EXD3: variants seen among roughly 807,000 people sequenced by gnomAD.
EXD3 encodes the protein exonuclease 3'-5' domain containing 3, also known as exonuclease mut-7 homolog.
Under a neutral mutation model 98.0 loss-of-function variants are expected in EXD3, and 92 were observed. The ratio of observed to expected loss-of-function variants is 0.94; its 90% CI spans 0.79 to 1.12. The LOEUF (loss-of-function observed/expected upper bound fraction) is 1.12, where lower values mean the gene tolerates loss of function less well. EXD3 is among the 50% of genes most tolerant of loss of function. EXD3 has a pLI of 0.00. For missense variants in EXD3, 1,222 were observed against 1,191.6 expected (o/e 1.03, Z -0.38); for synonymous variants, 569 against 526.0 (o/e 1.08, Z -1.12).
chr9:137,381,402 CA>C (rs1836261161), intron 3 of EXD3, among the ~76,000 whole-genome samples: 1 of 112,926 alleles, frequency 8.9e-6, no homozygotes. Context: ...GGTGACAGAA[CA>C]AGACTCCTTC....
At chr9:137,391,172 G>C (rs531115810) in intron 2 of EXD3, among the ~76,000 whole-genome samples, 116 of 152,372 alleles carry the variant, frequency 7.6e-4, no homozygotes, top group African/African-American at 2.6e-3. Flanking sequence ...GCCCACCAGT[G>C]AGGCCTGAGA....
At chr9:137,350,059 A>G (rs1452271612) in intron 14 of EXD3, among the ~76,000 whole-genome samples, 5 of 116,228 alleles carry the variant, frequency 4.3e-5, no homozygotes, top group African/African-American at 1.7e-4. Context: ...AAGGTTCTAG[A>G]TAGAGAGGGG....
intron 7 of EXD3, among the ~76,000 whole-genome samples, chr9:137,356,937 C>T (rs549016788): frequency 8.5e-5 from 13 of 152,288 alleles, no homozygotes; most frequent in Admixed American, 2.6e-4. Context: ...GAAGCACAGC[C>T]GCTGGGTGTT....
chr9:137,386,407 C>G (rs1488540262), intron 2 of EXD3, among the ~76,000 whole-genome samples: 1 of 152,098 alleles, frequency 6.6e-6, no homozygotes, highest in East Asian at 1.9e-4. Context: ...ACTCCCCAGT[C>G]AGTGTTGCTG....
rs969129787 is a variant in EXD3, at chr9:137,356,376, G to C, written c.657-8C>G. On this transcript the variant is annotated splice_polypyrimidine_tract_variant and splice_region_variant and intron_variant, in intron 7 of 21. Coordinates refer to ENST00000340951, the MANE Select transcript of EXD3 (RefSeq NM_017820.5). ...GTCACCTCAGGGTACCGTCTGTGGG[G>C]AGAGAGAGGCACAGCCTCTGTTGCT... 2 of 1,550,656 alleles carry C rather than the reference G, an allele frequency of 1.3e-6. No homozygotes were observed. The highest frequency in any genetic ancestry group is 1.4e-5 in the African/African-American group (1 of 73,510).
chr9:137,413,400 C>T (rs1020795381), intron 1 of EXD3, among the ~76,000 whole-genome samples: 1 of 151,832 alleles, frequency 6.6e-6, no homozygotes, highest in African/African-American at 2.4e-5. Flanking sequence ...CGGGGTTTCA[C>T]CGTGTTAGCC....
chr9:137,367,183 C>T (rs375717597), intron 6 of EXD3, among the ~76,000 whole-genome samples: 45 of 152,296 alleles, frequency 3.0e-4, no homozygotes, highest in African/African-American at 1.0e-3. Context: ...GGTGAGGCTG[C>T]CTGGCGCCGA....
intron 3 of EXD3, among the ~76,000 whole-genome samples, chr9:137,383,079 G>A (rs1836400100): frequency 6.6e-6 from 1 of 152,200 alleles, no homozygotes. Flanking sequence ...GACCTCAGAG[G>A]GGCTGCTGGG....
chr9:137,411,103 C>T (rs573330016), intron 1 of EXD3, among the ~76,000 whole-genome samples: 28 of 152,220 alleles, frequency 1.8e-4, no homozygotes, highest in Non-Finnish European at 3.5e-4. Context: ...CCTGGACCAC[C>T]GCAGAACCTG....
chr9:137,356,736 C>T (rs181959592), intron 7 of EXD3, among the ~76,000 whole-genome samples: 89 of 152,344 alleles, frequency 5.8e-4, no homozygotes, highest in Middle Eastern at 6.8e-3. Flanking sequence ...ACGGCCTCAA[C>T]GGCCCAGCCT....
intron 19 of EXD3, among the ~76,000 whole-genome samples, chr9:137,317,909 C>T (rs1831779596): frequency 6.6e-6 from 1 of 152,170 alleles, no homozygotes; most frequent in Non-Finnish European, 1.5e-5. Flanking sequence ...CCTTCTGTAC[C>T]CTCTGTGCCT....
chr9:137,421,107 T>C lies in EXD3; in HGVS notation c.-48+2007A>G, dbSNP rs548010456. On this transcript the variant is annotated intron_variant, in intron 1 of 21. Coordinates refer to ENST00000340951, the MANE Select transcript of EXD3 (RefSeq NM_017820.5). Reference sequence around the variant, plus strand: ...CTGGGATTACAGGCATGAGCCACCATGCCCAGCCCTCAAGTGGCTTTTAAA... The same window carrying C: ...CTGGGATTACAGGCATGAGCCACCACGCCCAGCCCTCAAGTGGCTTTTAAA... 7.2e-5 allele frequency among the ~76,000 whole-genome samples: 11 copies of C among 152,304 alleles called. No homozygotes were observed. The East Asian group carries it at 2.1e-3, about 29-fold the overall frequency.
Position 137,393,163 on chromosome 9 carries a change from A to T in EXD3, c.55+2140T>A, listed in dbSNP as rs1488076823. The T allele has an allele frequency of 5.7e-6, 4 of 702,056 alleles. No homozygotes were observed. Among genetic ancestry groups the T allele is most frequent in the Non-Finnish European group, 1.0e-5 (4 of 384,804 alleles). 43.5% of individuals were successfully genotyped at this position (702,056 alleles called of 1,614,324 possible). On this transcript the variant is annotated intron_variant, in intron 2 of 21. Coordinates refer to ENST00000340951, the MANE Select transcript of EXD3 (RefSeq NM_017820.5). The surrounding 1 kb of genome is among the most constrained non-coding windows in gnomAD (Gnocchi z 4.6). The stretch of plus-strand genomic sequence containing the variant: ...CCGAGGCTGTTCCAGGGGCCCTGCT[A>T]GCTGGGGTGTTGCACTTTGAAAACA...
Position 137,366,522 on chromosome 9 carries a change from C to G in EXD3, c.627G>C (p.Gln209His). 3 of 1,551,058 alleles carry G rather than the reference C, an allele frequency of 1.9e-6. No homozygotes were observed. The highest frequency in any genetic ancestry group is 2.6e-6 in the Non-Finnish European group (3 of 1,147,332). The change falls in exon 7 of 22, where the codon CAG (glutamine) becomes CAC (histidine). Residue 209 changes from glutamine (Q) to histidine (H), a missense_variant. Coordinates refer to ENST00000340951, the MANE Select transcript of EXD3 (RefSeq NM_017820.5). ...CAACGTCCTTGATGTCAAAGCCGGG[C>G]TGGCACCAGGAATCCATGAGGACCA... ...RLLVLMDSWC[Q>H]PGFDIKDVAR...
chr9:137,414,962 A>T (rs1461144901), intron 1 of EXD3, among the ~76,000 whole-genome samples: 2 of 152,086 alleles, frequency 1.3e-5, no homozygotes, highest in Admixed American at 1.3e-4. Flanking sequence ...ATCTCGGCTC[A>T]CTGCAAGCTT....
Position 137,371,692 on chromosome 9 carries a change from C to T in EXD3, c.462+1213G>A, listed in dbSNP as rs76810799. On this transcript the variant is annotated intron_variant, in intron 5 of 21. Transcript: ENST00000340951. The surrounding 1 kb of genome is among the most constrained non-coding windows in gnomAD (Gnocchi z 8.0). The stretch of plus-strand genomic sequence containing the variant: ...TGAGCACCCCCAGGCCAGGCACCCC[C>T]GGGGCTGGGCACCCCCAGGCAGGAC... Among the ~76,000 whole-genome samples the T allele has an allele frequency of 0.032, 4,810 of 151,702 alleles. 274 individuals are homozygous for T. The highest frequency in any genetic ancestry group is 0.15 in the Admixed American group (2,212 of 15,222).
chr9:137,367,854 G>T, intron 6 of EXD3, 82 bp downstream of exon 6: 1 of 1,395,920 alleles, frequency 7.2e-7, no homozygotes, highest in Non-Finnish European at 9.9e-7. Context: ...GTGGACTCCC[G>T]ACCTCCAACA....
Position 137,395,419 on chromosome 9 carries a change from A to C in EXD3, c.-47-15T>G. The C allele has an allele frequency of 6.2e-7, 1 of 1,610,750 alleles. No homozygotes were observed. Among genetic ancestry groups the C allele is most frequent in the South Asian group, 1.1e-5 (1 of 90,892 alleles). On this transcript the variant is annotated splice_polypyrimidine_tract_variant and intron_variant, in intron 1 of 21. Transcript: ENST00000340951. The surrounding 1 kb of genome is among the most constrained non-coding windows in gnomAD (Gnocchi z 6.5). ...GGAACGAGGATCTGCAGAAACAGAC[A>C]ATCAGGTGAATGCAGAGCCCACTGC...
chr9:137,408,477 G>A (rs1239431070), intron 1 of EXD3, among the ~76,000 whole-genome samples: 2 of 148,448 alleles, frequency 1.3e-5, no homozygotes, highest in Non-Finnish European at 1.5e-5. Context: ...AACCCGGGAG[G>A]TGGAGCTTGC....
Sources: allele counts gnomAD v4.1 joint callset (sites outside exome capture counted in the v4.1 genomes callset), GRCh38; gene constraint gnomAD v4.1.1; non-coding constraint Gnocchi (gnomAD v3.1); transcripts MANE v1.5; gene names NCBI Gene and HGNC (gene_info 2026-07-23, HGNC 2026-07-21).